MRTFB: variants seen among roughly 807,000 people sequenced by gnomAD.
The protein encoded by MRTFB is myocardin-related transcription factor B.
In MRTFB, 29 loss-of-function variants were observed where a neutral mutation model predicts 104.2. That is an observed-to-expected ratio of 0.28 (90% CI 0.21 to 0.38). MRTFB has a LOEUF of 0.38. Ranked by LOEUF, MRTFB falls within the 10% of genes least tolerant of loss-of-function variation. MRTFB has a pLI of 1.00. For synonymous variants in MRTFB, 535 were observed against 519.5 expected (o/e 1.03, Z -0.41); for missense variants, 1,270 against 1,341.6 (o/e 0.95, Z 0.83).
chr16:14,119,689 T>C (rs892434703), intron 2 of MRTFB, among the ~76,000 whole-genome samples: 7 of 152,220 alleles, frequency 4.6e-5, no homozygotes, highest in African/African-American at 1.7e-4. Flanking sequence ...ATCTGGTCTG[T>C]TTTAAACTTA....
chr16:14,041,624 G>C, the MRTFB span, among the ~76,000 whole-genome samples: 4 of 152,068 alleles, frequency 2.6e-5, no homozygotes, highest in African/African-American at 9.7e-5. Context: ...CTATGAACAT[G>C]AGTATATAAA....
intron 2 of MRTFB, among the ~76,000 whole-genome samples, chr16:14,091,893 G>A (rs2035090741): frequency 6.6e-6 from 1 of 151,638 alleles, no homozygotes; most frequent in African/African-American, 2.4e-5. Flanking sequence ...TACTCAGGGG[G>A]CTGAGGCAGA....
At chr16:14,230,919 G>A (rs1597322811) in intron 8 of MRTFB, among the ~76,000 whole-genome samples, 1 of 151,104 alleles carries the variant, frequency 6.6e-6, no homozygotes. Flanking sequence ...TTAAGAAAAT[G>A]TGGCACATAT....
At chr16:14,235,108 C>T (rs539124996) in intron 9 of MRTFB, among the ~76,000 whole-genome samples, 19 of 152,310 alleles carry the variant, frequency 1.2e-4, no homozygotes, top group African/African-American at 4.6e-4. Context: ...GTCTAGCTCT[C>T]TCCTGCCTCC....
At chr16:13,999,893 T>G in the MRTFB span, among the ~76,000 whole-genome samples, 1 of 152,130 alleles carries the variant, frequency 6.6e-6, no homozygotes, top group African/African-American at 2.4e-5. Flanking sequence ...CCAACAACAC[T>G]GAGGGCCTCC....
intron 3 of MRTFB, chr16:14,141,384 G>A (rs1030208094): frequency 6.6e-6 from 1 of 152,180 alleles, no homozygotes; most frequent in African/African-American, 2.4e-5. Flanking sequence ...TAAACAAATA[G>A]AGATAGATGA....
At chr16:14,039,268 C>G in the MRTFB span, among the ~76,000 whole-genome samples, 8 of 152,308 alleles carry the variant, frequency 5.3e-5, no homozygotes, top group Admixed American at 2.6e-4. Flanking sequence ...TGAGTATCCT[C>G]ACAACATGGC....
intron 3 of MRTFB, among the ~76,000 whole-genome samples, chr16:14,149,113 A>T (rs1350040231): frequency 6.6e-6 from 1 of 152,224 alleles, no homozygotes; most frequent in Admixed American, 6.5e-5. Context: ...TGTAGTTTCT[A>T]TTGATGGTTT....
the MRTFB span, among the ~76,000 whole-genome samples, chr16:14,049,944 G>A: frequency 6.6e-6 from 1 of 152,160 alleles, no homozygotes; most frequent in Non-Finnish European, 1.5e-5. Context: ...TATTGGCCAG[G>A]CTGGTCTCAA....
upstream of MRTFB, among the ~76,000 whole-genome samples, chr16:14,070,516 A>G (rs1267916917): frequency 6.6e-6 from 1 of 152,260 alleles, no homozygotes; most frequent in Non-Finnish European, 1.5e-5. Context: ...ACAGAACCGC[A>G]TAAAAATAGT....
At chr16:14,012,864 G>A in the MRTFB span, among the ~76,000 whole-genome samples, 3 of 152,234 alleles carry the variant, frequency 2.0e-5, no homozygotes, top group African/African-American at 4.8e-5. Context: ...AAGGCAAACC[G>A]CCTGTGGTTT....
chr16:14,166,134 A>G (rs1241005550), intron 3 of MRTFB, among the ~76,000 whole-genome samples: 3 of 152,066 alleles, frequency 2.0e-5, no homozygotes, highest in Admixed American at 2.0e-4. Flanking sequence ...ATGGGATAAC[A>G]TATTACTTTC....
In MRTFB at chr16:14,265,966, A is replaced by T. The variant is rs556921744; in HGVS notation, c.*4522A>T. On this transcript the variant is annotated 3_prime_UTR_variant, in exon 17 of 17. Transcript: ENST00000571589. ...CTCGTAACAATTACCTCTCTACGTGATGCTGTAAGGAATCTTGCTAATTTG... is the reference window on the plus strand; with the variant it reads ...CTCGTAACAATTACCTCTCTACGTGTTGCTGTAAGGAATCTTGCTAATTTG... 3.9e-5 allele frequency: 6 copies of T among 152,362 alleles called. No homozygotes were observed. The highest frequency in any genetic ancestry group is 1.2e-4 in the African/African-American group (5 of 41,594). 9.4% of individuals were successfully genotyped at this position (152,362 alleles called of 1,614,324 possible).
At chr16:14,066,437 C>A (rs1354952431), upstream of MRTFB, among the ~76,000 whole-genome samples, 1 of 151,856 alleles carries the variant, frequency 6.6e-6, no homozygotes, top group Non-Finnish European at 1.5e-5. Context: ...CCACACCTGG[C>A]TAATTTTTAT....
intron 2 of MRTFB, among the ~76,000 whole-genome samples, chr16:14,113,317 T>G (rs1272546985): frequency 6.6e-6 from 1 of 152,262 alleles, no homozygotes; most frequent in Non-Finnish European, 1.5e-5. Context: ...GTGCTGGGAT[T>G]ACAGGCGTGA....
chr16:14,006,274 C>T, the MRTFB span, among the ~76,000 whole-genome samples: 2 of 151,680 alleles, frequency 1.3e-5, no homozygotes, highest in Non-Finnish European at 2.9e-5. Context: ...AGCCGGGAGG[C>T]GGAGGTTGCA....
intron 2 of MRTFB, among the ~76,000 whole-genome samples, chr16:14,081,291 CT>C (rs995694902): frequency 6.4e-4 from 78 of 121,470 alleles, no homozygotes; most frequent in East Asian, 4.1e-3. Context: ...CGTATGCTGC[CT>C]TTTTTTTTTT....
At chr16:14,089,790 G>A (rs2034941478) in intron 2 of MRTFB, among the ~76,000 whole-genome samples, 1 of 152,136 alleles carries the variant, frequency 6.6e-6, no homozygotes, top group South Asian at 2.1e-4. Flanking sequence ...CAAGTCCTTG[G>A]CAACACTTTT....
chr16:14,264,672 CTT>C lies in MRTFB; in HGVS notation c.*3232_*3233del, dbSNP rs967821939. The C allele has an allele frequency of 2.0e-5, 3 of 152,210 alleles. No homozygotes were observed. Among genetic ancestry groups the C allele is most frequent in the Non-Finnish European group, 4.4e-5 (3 of 68,050 alleles). The allele number at this position is 152,210 out of a possible 1,614,324, so 9.4% of individuals were successfully genotyped here. On this transcript the variant is annotated 3_prime_UTR_variant, in exon 17 of 17. Coordinates refer to ENST00000571589, the MANE Select transcript of MRTFB (RefSeq NM_001308142.2). Reference sequence around the variant, plus strand: ...GGTTCTGTGATCCATGTAACTGACACTTTTTGGCTTTCAGTGCTGTTTAGAAA... The same window carrying C: ...GGTTCTGTGATCCATGTAACTGACACTTTGGCTTTCAGTGCTGTTTAGAAA...
Sources: allele counts gnomAD v4.1 joint callset (sites outside exome capture counted in the v4.1 genomes callset), GRCh38; gene constraint gnomAD v4.1.1; transcripts MANE v1.5; gene names NCBI Gene and HGNC (gene_info 2026-07-23, HGNC 2026-07-21).